The following ADCY10 variants were observed in gnomAD, a reference collection of about 807,000 sequenced individuals.
The protein encoded by ADCY10 is adenylate cyclase type 10.
In ADCY10, 156 loss-of-function variants were observed where a neutral mutation model predicts 183.3. That is an observed-to-expected ratio of 0.85 (90% confidence interval 0.75 to 0.97). The LOEUF (loss-of-function observed/expected upper bound fraction) is 0.97, where lower values mean the gene tolerates loss of function less well. Among genes scored for constraint, ADCY10 ranks in the 50% least tolerant of loss-of-function variants. ADCY10 has a pLI of 0.00. For synonymous variants in ADCY10, 645 were observed against 670.0 expected (o/e 0.96, Z 0.58); for missense variants, 1,745 against 1,934.3 (o/e 0.90, Z 1.84).
chr1:167,845,535 A>G, intron 21 of ADCY10, 28 bp downstream of exon 21: 1 of 1,610,824 alleles, frequency 6.2e-7, no homozygotes, highest in South Asian at 1.1e-5. Context: ...AAGAACAGTT[A>G]GGATAATTTT....
intron 21 of ADCY10, 178 bp downstream of exon 21, chr1:167,845,385 G>A (rs1250024078): frequency 1.5e-6 from 1 of 665,838 alleles, no homozygotes; most frequent in East Asian, 2.7e-5. Flanking sequence ...ACTCAATACA[G>A]GTACATTCCC....
At chr1:167,856,936 G>C (rs1258821393) in intron 16 of ADCY10, among the ~76,000 whole-genome samples, 1 of 152,184 alleles carries the variant, frequency 6.6e-6, no homozygotes, top group Non-Finnish European at 1.5e-5. Flanking sequence ...TGCTATTCTA[G>C]CTTGAAATGT....
chr1:167,827,717 AAATT>A (rs948555650), intron 26 of ADCY10, among the ~76,000 whole-genome samples: 13 of 144,714 alleles, frequency 9.0e-5, no homozygotes, highest in East Asian at 2.0e-4. Flanking sequence ...TAAAAAAAAA[AAATT>A]TTTTTTTTTG....
At chr1:167,894,001 T>C (rs2102360595) in intron 7 of ADCY10, 60 bp from the exon 8 acceptor site, 11 of 1,174,260 alleles carry the variant, frequency 9.4e-6, no homozygotes, top group Admixed American at 3.5e-5. Context: ...GCAGTGCTAG[T>C]GAGAGGAGGC....
chr1:167,884,359 A>G (rs1668072787), intron 8 of ADCY10, among the ~76,000 whole-genome samples: 1 of 152,100 alleles, frequency 6.6e-6, no homozygotes, highest in Non-Finnish European at 1.5e-5. Flanking sequence ...CTTTTAAACA[A>G]TCAGATCCCA....
At chr1:167,866,830 G>A (rs370093813) in intron 14 of ADCY10, among the ~76,000 whole-genome samples, 4 of 151,684 alleles carry the variant, frequency 2.6e-5, no homozygotes, top group African/African-American at 9.7e-5. Context: ...TAGGGCTCTG[G>A]CCAAGGCCAG....
chr1:167,818,020 A>G, intron 31 of ADCY10, 52 bp downstream of exon 31: 2 of 1,505,822 alleles, frequency 1.3e-6, no homozygotes, highest in Non-Finnish European at 9.2e-7. Context: ...GGAAGTAGAC[A>G]GAGATCCATT....
At chr1:167,904,910 A>T in intron 2 of ADCY10, 83 bp downstream of exon 2, 1 of 1,594,950 alleles carries the variant, frequency 6.3e-7, no homozygotes. Flanking sequence ...TGGCCTCCCT[A>T]CTCTGCAATC....
chr1:167,869,929 GTGTT>G (rs1666978934), intron 14 of ADCY10, among the ~76,000 whole-genome samples: 1 of 152,164 alleles, frequency 6.6e-6, no homozygotes, highest in African/African-American at 2.4e-5. Context: ...ATAAACTTAA[GTGTT>G]TGTTCTGCAG....
intron 30 of ADCY10, chr1:167,820,132 CT>C: frequency 6.4e-7 from 1 of 1,554,306 alleles, no homozygotes; most frequent in South Asian, 1.2e-5. Flanking sequence ...CATGACTCAG[CT>C]TTTTGGATCC....
At chr1:167,899,175 A>G (rs1669215105) in intron 6 of ADCY10, among the ~76,000 whole-genome samples, 1 of 152,156 alleles carries the variant, frequency 6.6e-6, no homozygotes, top group Non-Finnish European at 1.5e-5. Flanking sequence ...AAAAGGCCTC[A>G]ATCCCCAAAT....
At position 167,878,535 on chromosome 1, in the gene ADCY10, C is replaced by G. The variant is rs759231445; in HGVS notation, c.1317G>C (p.Ala439=). 6.2e-7 allele frequency: 1 copy of G among 1,613,982 alleles called. No homozygotes were observed. ...SVTYNGSNLP[A]YFFKELPKKV... ...TCTTTGGAAGCTCTTTAAAAAAGTA[C>G]GCTGGTAGGTTGCTCCCATTGTAGG... The change falls in exon 12 of 33, where the codon GCG becomes GCC. Residue 439 remains alanine (A), a synonymous_variant. Transcript: ENST00000367851.
intron 14 of ADCY10, among the ~76,000 whole-genome samples, chr1:167,862,158 T>C (rs189754946): frequency 6.6e-6 from 1 of 152,366 alleles, no homozygotes; most frequent in African/African-American, 2.4e-5. Flanking sequence ...GCAGACTTTA[T>C]TGATATTCAG....
In ADCY10 at chr1:167,854,483, C is replaced by A; in HGVS notation, c.2178G>T (p.Leu726=). Residue 726 remains leucine (L), a synonymous_variant, in exon 18 of 33, where the codon CTG becomes CTT. Transcript: ENST00000367851. ...ATGGAATCCCACAGCTTCCCTCCCC[C>A]AGGTACCTGTAGTGAAAACAAGGCA... The part of the protein sequence containing the change: ...SCISKELDSY[L]GEGSCGIPFY... 6.2e-7 allele frequency: 1 copy of A among 1,614,168 alleles called. No homozygotes were observed.
chr1:167,848,536 TA>T, intron 18 of ADCY10, 47 bp from the exon 19 acceptor site: 1 of 1,609,992 alleles, frequency 6.2e-7, no homozygotes, highest in East Asian at 2.2e-5. Context: ...TATCCTGTCT[TA>T]TAAGGTCTGA....
At chr1:167,913,614 A>G (rs1283238884) in intron 1 of ADCY10, among the ~76,000 whole-genome samples, 1 of 152,224 alleles carries the variant, frequency 6.6e-6, no homozygotes, top group African/African-American at 2.4e-5. Context: ...GTTTGGAACC[A>G]TCTTCTACAT....
At chr1:167,875,267 C>T in intron 12 of ADCY10, 81 bp from the exon 13 acceptor site, 1 of 1,430,340 alleles carries the variant, frequency 7.0e-7, no homozygotes, top group Non-Finnish European at 9.8e-7. Context: ...TCTTAGTTCC[C>T]AGAAAGTTTC....
intron 14 of ADCY10, among the ~76,000 whole-genome samples, chr1:167,862,382 T>C (rs887573388): frequency 8.5e-5 from 13 of 152,202 alleles, no homozygotes; most frequent in African/African-American, 2.9e-4. Context: ...ACAGGGAGAA[T>C]GCCATGTGAC....
chr1:167,813,440 A>G (rs566947524), intron 31 of ADCY10, among the ~76,000 whole-genome samples: 8 of 152,294 alleles, frequency 5.3e-5, no homozygotes, highest in African/African-American at 1.9e-4. Context: ...AAATTAAGAC[A>G]TTCCCAGACA....
Sources: gnomAD v4.1 joint callset for allele counts (sites outside exome capture counted in the v4.1 genomes callset) on GRCh38, gnomAD v4.1.1 for gene constraint, MANE v1.5 for transcripts, NCBI Gene and HGNC (gene_info 2026-07-23, HGNC 2026-07-21) for gene names.